The following CUL2 variants were observed in gnomAD, a reference collection of about 807,000 sequenced individuals.
CUL2 encodes cullin 2, also known as cullin-2.
A neutral mutation model predicts 110.2 loss-of-function variants in CUL2; 22 were observed. The observed-to-expected ratio is 0.20, with a 90% confidence interval of 0.14 to 0.28. CUL2 has a LOEUF of 0.28. CUL2 is among the 10% of genes least tolerant of loss of function. The pLI is 1.00. For missense variants in CUL2, 631 were observed against 905.5 expected (o/e 0.70, Z 3.89); for synonymous variants, 279 against 293.2 (o/e 0.95, Z 0.49).
upstream of CUL2, among the ~76,000 whole-genome samples, chr10:35,094,822 A>G (rs2087271397): frequency 6.6e-6 from 1 of 152,180 alleles, no homozygotes; most frequent in Non-Finnish European, 1.5e-5. Flanking sequence ...CTTCTTTTCC[A>G]GAAAAAAAAA....
At chr10:35,100,092 T>C (rs1263401832) in intron 2 of CUL2, among the ~76,000 whole-genome samples, 1 of 151,936 alleles carries the variant, frequency 6.6e-6, no homozygotes, top group Non-Finnish European at 1.5e-5. Context: ...AGGCATGAGC[T>C]ACTGTGCCCG....
In CUL2 at chr10:35,071,193, G is replaced by A; in HGVS notation, c.119+6C>T. On this transcript the variant is annotated splice_donor_region_variant and intron_variant, in intron 2 of 20. Transcript: ENST00000374749. The stretch of plus-strand genomic sequence containing the variant: ...AACATTGATCAAGCTGCCATTAAAA[G>A]GATACGAGAAACGGTCATTCCATGT... 6.2e-7 allele frequency: 1 copy of A among 1,611,992 alleles called. No individual in the cohort carries two copies. Among genetic ancestry groups the A allele is most frequent in the Non-Finnish European group, 8.5e-7 (1 of 1,178,808 alleles).
chr10:35,073,559 C>G (rs1180482535), intron 1 of CUL2, among the ~76,000 whole-genome samples: 2 of 151,892 alleles, frequency 1.3e-5, no homozygotes, highest in Admixed American at 1.3e-4. Context: ...GGTAGGTCCA[C>G]TGTTGTCCCC....
intron 1 of CUL2, among the ~76,000 whole-genome samples, chr10:35,072,064 G>A (rs2134993421): frequency 6.6e-6 from 1 of 152,172 alleles, no homozygotes; most frequent in East Asian, 1.9e-4. Context: ...CTGAAAGTGG[G>A]GAATGAGGCA....
intron 1 of CUL2, among the ~76,000 whole-genome samples, chr10:35,084,170 G>C (rs183257784): frequency 6.6e-6 from 1 of 152,088 alleles, no homozygotes; most frequent in African/African-American, 2.4e-5. Context: ...CCAGCTACTT[G>C]GGAGGCTGAG....
chr10:35,040,782 A>G (rs1346440536), intron 8 of CUL2, among the ~76,000 whole-genome samples: 1 of 152,194 alleles, frequency 6.6e-6, no homozygotes, highest in Non-Finnish European at 1.5e-5. Context: ...ATTCCACCTC[A>G]GATCCTCAGG....
At chr10:35,061,258 G>A (rs1360169364) in intron 3 of CUL2, among the ~76,000 whole-genome samples, 3 of 151,970 alleles carry the variant, frequency 2.0e-5, no homozygotes, top group Non-Finnish European at 4.4e-5. Flanking sequence ...TGGATCACCT[G>A]AGGTCAGGAG....
chr10:35,060,625 G>A lies in CUL2; in HGVS notation c.317+249C>T, dbSNP rs118033151. On this transcript the variant is annotated intron_variant, in intron 4 of 20. Coordinates refer to ENST00000374749, the MANE Select transcript of CUL2 (RefSeq NM_003591.4). ...ATGTGCTACAGGTTGTAAACAATCA[G>A]AAGAAACAGAGCCATGCAATCGAGT... Among the ~76,000 whole-genome samples, 36 of 152,330 alleles carry A rather than the reference G, an allele frequency of 2.4e-4. No homozygotes were observed. The East Asian group carries it at 6.4e-3, about 27-fold the overall frequency.
chr10:35,048,293 TAAC>T (rs1188354975), intron 6 of CUL2, among the ~76,000 whole-genome samples: 6 of 152,308 alleles, frequency 3.9e-5, no homozygotes, highest in Non-Finnish European at 2.9e-5. Context: ...AAGCCGATTA[TAAC>T]AACAAAAATA....
chr10:35,032,087 TAA>T (rs1239939126), intron 12 of CUL2, among the ~76,000 whole-genome samples: 2 of 151,960 alleles, frequency 1.3e-5, no homozygotes, highest in Non-Finnish European at 2.9e-5. Context: ...ACAAGTACTT[TAA>T]AAAAAAGTTA....
rs61022194 is a variant in CUL2 at position 35,038,525 on chromosome 10, CAAAAAAAAA to C, written c.877+386_877+394del. Among the ~76,000 whole-genome samples, 13 of 65,508 alleles carry C rather than the reference CAAAAAAAAA, an allele frequency of 2.0e-4. 1 individual carries two copies. The Admixed American group carries it at 2.5e-3, about 13-fold the overall frequency. The allele number at this position is 65,508 out of a possible 152,430, so 43.0% of individuals were successfully genotyped here. A position where few individuals can be genotyped will look rare whatever the true frequency, so the allele number is the denominator to read the frequency against. ...TGGGCGACAGAGTGAGACTCTGTCT[CAAAAAAAAA>C]AAAAAAAAAAAAAAAATCAGATATA... On this transcript the variant is annotated intron_variant, in intron 9 of 20. Coordinates refer to ENST00000374749, the MANE Select transcript of CUL2 (RefSeq NM_003591.4).
rs1163840192 is a variant in CUL2 at position 35,032,282 on chromosome 10, C to T, written c.1170+153G>A. 3.3e-5 allele frequency among the ~76,000 whole-genome samples: 5 copies of T among 152,142 alleles called. No homozygotes were observed. The East Asian group carries it at 9.6e-4, about 29-fold the overall frequency. On this transcript the variant is annotated intron_variant, in intron 12 of 20. Transcript: ENST00000374749. ...TTAAGACACATAGTATATTGCATTC[C>T]TTACATAAATGCCAAACTATATACA...
At chr10:35,036,498 T>A (rs912021389) in intron 9 of CUL2, among the ~76,000 whole-genome samples, 1 of 152,172 alleles carries the variant, frequency 6.6e-6, no homozygotes, top group Admixed American at 6.5e-5. Context: ...TCATAAAATA[T>A]GCATAATATA....
At chr10:35,060,408 T>C (rs1442016706) in intron 4 of CUL2, among the ~76,000 whole-genome samples, 2 of 152,178 alleles carry the variant, frequency 1.3e-5, no homozygotes, top group African/African-American at 4.8e-5. Context: ...TAATTCAATA[T>C]GCCTAGACCA....
chr10:35,088,470 C>A (rs574006438), intron 1 of CUL2, among the ~76,000 whole-genome samples: 35 of 127,228 alleles, frequency 2.8e-4, no homozygotes, highest in Non-Finnish European at 5.1e-4. Context: ...CACCGCACTT[C>A]AGCCTGGTGA....
intron 1 of CUL2, among the ~76,000 whole-genome samples, chr10:35,081,999 T>C (rs147082630): frequency 1.3e-5 from 2 of 152,120 alleles, no homozygotes; most frequent in Non-Finnish European, 2.9e-5. Context: ...ACACCTCCTG[T>C]TTACAATCCC....
At chr10:35,049,835 T>C in intron 5 of CUL2, 70 bp from the exon 6 acceptor site, 1 of 1,040,568 alleles carries the variant, frequency 9.6e-7, no homozygotes, top group South Asian at 1.4e-5. Flanking sequence ...TCAAGGTTTT[T>C]TTTAACTAAA....
intron 17 of CUL2, among the ~76,000 whole-genome samples, chr10:35,023,306 G>A (rs990955192): frequency 1.3e-5 from 2 of 152,128 alleles, no homozygotes; most frequent in African/African-American, 4.8e-5. Flanking sequence ...GGTGTTTTCA[G>A]TACCTTCGGT....
chr10:35,051,301 C>G (rs1468014376), intron 5 of CUL2, among the ~76,000 whole-genome samples: 3 of 141,662 alleles, frequency 2.1e-5, no homozygotes, highest in Non-Finnish European at 3.1e-5. Context: ...GGTGACAGAG[C>G]GAGACTCCGT....
Sources: gnomAD v4.1 joint callset for allele counts (sites outside exome capture counted in the v4.1 genomes callset) on GRCh38, gnomAD v4.1.1 for gene constraint, MANE v1.5 for transcripts, NCBI Gene and HGNC (gene_info 2026-07-23, HGNC 2026-07-21) for gene names.